Variants in CSMD1 observed in about 807,000 individuals in gnomAD.
CSMD1 encodes CUB and sushi domain-containing protein 1.
A neutral mutation model predicts 417.5 loss-of-function variants in CSMD1; 213 were observed. That is an observed-to-expected ratio of 0.51 (90% confidence interval 0.46 to 0.57). CSMD1 has a LOEUF of 0.57. Ranked by LOEUF, CSMD1 falls within the 20% of genes least tolerant of loss-of-function variation. The probability of loss-of-function intolerance (pLI) is 0.00; values close to 1 mark genes in which losing one functional copy is unlikely to be tolerated. For synonymous variants in CSMD1, 2,862 were observed against 1,736.8 expected, an observed-to-expected ratio of 1.65 and a Z score of -16.11; for missense variants, 6,923 against 4,529.7, an observed-to-expected ratio of 1.53 and a Z score of -15.17.
chr8:4,672,407 T>A (rs996037354), intron 1 of CSMD1, among the ~76,000 whole-genome samples: 113 of 152,254 alleles, frequency 7.4e-4, no homozygotes, highest in African/African-American at 2.6e-3. Flanking sequence ...CACTTTGAAG[T>A]ATGGGCAGAA....
At chr8:3,243,135 G>A (rs966505525) in intron 26 of CSMD1, among the ~76,000 whole-genome samples, 1 of 152,182 alleles carries the variant, frequency 6.6e-6, no homozygotes, top group African/African-American at 2.4e-5. Flanking sequence ...TTGAGGGATA[G>A]TGAGGGAGGT....
intron 3 of CSMD1, among the ~76,000 whole-genome samples, chr8:4,105,671 C>A (rs560304447): frequency 6.6e-6 from 1 of 152,290 alleles, no homozygotes; most frequent in Admixed American, 6.5e-5. Flanking sequence ...ACCCCATTAG[C>A]AGGTTTACCT....
chr8:3,195,202 T>C (rs575950766), intron 33 of CSMD1, among the ~76,000 whole-genome samples: 3 of 152,202 alleles, frequency 2.0e-5, no homozygotes, highest in African/African-American at 2.4e-5. Context: ...CTCTCCAACA[T>C]GAAGGTTTAC....
At chr8:4,120,865 A>T (rs991047436) in intron 3 of CSMD1, among the ~76,000 whole-genome samples, 5 of 151,900 alleles carry the variant, frequency 3.3e-5, no homozygotes, top group Admixed American at 2.0e-4. Context: ...ACAGAAACAA[A>T]TTTTTTCTGT....
intron 2 of CSMD1, among the ~76,000 whole-genome samples, chr8:4,458,012 C>G (rs1417685552): frequency 1.3e-5 from 2 of 152,152 alleles, no homozygotes; most frequent in African/African-American, 4.8e-5. Flanking sequence ...TGACTTCTCC[C>G]TATATCCGGT....
At chr8:3,294,286 A>C (rs1803799042) in intron 25 of CSMD1, among the ~76,000 whole-genome samples, 1 of 152,120 alleles carries the variant, frequency 6.6e-6, no homozygotes, top group South Asian at 2.1e-4. Flanking sequence ...CCCCTTGAGG[A>C]GGCAGTCTGT....
Position 4,518,846 on chromosome 8 carries a change from G to T in CSMD1, c.303-98781C>A, listed in dbSNP as rs140265412. Among the ~76,000 whole-genome samples, 89 of 151,934 alleles carry T rather than the reference G, an allele frequency of 5.9e-4. No homozygotes were observed. The East Asian group carries it at 9.9e-3, about 17-fold the overall frequency. ...TAAGTAAATTATAGGAGATTATTCG[G>T]CATGGTCTAAATACAGAGCCAATAC... On this transcript the variant is annotated intron_variant, in intron 2 of 69. Coordinates refer to ENST00000635120, the MANE Select transcript of CSMD1 (RefSeq NM_033225.6).
At chr8:3,945,781 A>T (rs567583170) in intron 5 of CSMD1, among the ~76,000 whole-genome samples, 6 of 152,228 alleles carry the variant, frequency 3.9e-5, no homozygotes, top group Non-Finnish European at 2.9e-5. Flanking sequence ...ATGAAAGTAG[A>T]TGAGAAGCAA....
At chr8:3,693,935 G>C (rs534323701) in intron 7 of CSMD1, among the ~76,000 whole-genome samples, 1 of 151,268 alleles carries the variant, frequency 6.6e-6, no homozygotes, top group African/African-American at 2.4e-5. Flanking sequence ...GTTATGGTGT[G>C]TGCGTCGTGT....
At chr8:4,390,210 C>T (rs1335294504) in intron 3 of CSMD1, among the ~76,000 whole-genome samples, 2 of 152,052 alleles carry the variant, frequency 1.3e-5, no homozygotes, top group Non-Finnish European at 1.5e-5. Flanking sequence ...TGTTTTTGAC[C>T]AGTCAGGTTT....
At chr8:3,265,324 T>C (rs897332290) in intron 26 of CSMD1, among the ~76,000 whole-genome samples, 1 of 152,202 alleles carries the variant, frequency 6.6e-6, no homozygotes, top group African/African-American at 2.4e-5. Flanking sequence ...GTGCGAAGTA[T>C]GTATGACCTG....
intron 1 of CSMD1, among the ~76,000 whole-genome samples, chr8:4,933,660 T>A (rs563312025): frequency 2.5e-4 from 38 of 152,016 alleles, no homozygotes; most frequent in Non-Finnish European, 4.6e-4. Flanking sequence ...AATAAATGGA[T>A]AGATGAAAGG....
chr8:3,882,561 C>G (rs1328289370), intron 5 of CSMD1, among the ~76,000 whole-genome samples: 2 of 152,142 alleles, frequency 1.3e-5, no homozygotes, highest in South Asian at 4.1e-4. Context: ...TAGGCATATA[C>G]CCAATATTCA....
chr8:3,763,469 T>A (rs1380560800), intron 5 of CSMD1, among the ~76,000 whole-genome samples: 1 of 152,058 alleles, frequency 6.6e-6, no homozygotes, highest in Non-Finnish European at 1.5e-5. Flanking sequence ...CTCCTCTCCT[T>A]TGCTCCCCTT....
chr8:4,390,497 T>TTTTTTTATTTATTCATTTATTTA (rs58291340), intron 3 of CSMD1, among the ~76,000 whole-genome samples: 1 of 140,324 alleles, frequency 7.1e-6, no homozygotes, highest in African/African-American at 2.7e-5. Context: ...AAGCGTCCAT[T>TTTTTTTATTTATTCATTTATTTA]TTTATTTATT....
At chr8:4,639,251 ATTT>A (rs34704649) in intron 1 of CSMD1, among the ~76,000 whole-genome samples, 4 of 131,448 alleles carry the variant, frequency 3.0e-5, no homozygotes, top group African/African-American at 5.7e-5. Flanking sequence ...GTGGTTGTCA[ATTT>A]TTTTTTTTTT....
chr8:4,304,952 G>A (rs1345319064), intron 3 of CSMD1, among the ~76,000 whole-genome samples: 1 of 151,982 alleles, frequency 6.6e-6, no homozygotes, highest in Non-Finnish European at 1.5e-5. Context: ...TCAGGCTGTG[G>A]TATTTGCTAC....
intron 2 of CSMD1, among the ~76,000 whole-genome samples, chr8:4,544,809 T>C (rs1157353580): frequency 6.6e-6 from 1 of 152,304 alleles, no homozygotes; most frequent in East Asian, 1.9e-4. Context: ...CTGAATTAGC[T>C]ACCTGTAACA....
intron 1 of CSMD1, among the ~76,000 whole-genome samples, chr8:4,989,137 T>G (rs1481743690): frequency 6.6e-6 from 1 of 152,210 alleles, no homozygotes; most frequent in African/African-American, 2.4e-5. Context: ...ACAACTAGTT[T>G]GCTAAGCACA....
Sources: allele counts gnomAD v4.1 joint callset (sites outside exome capture counted in the v4.1 genomes callset), GRCh38; gene constraint gnomAD v4.1.1; transcripts MANE v1.5; gene names NCBI Gene and HGNC (gene_info 2026-07-23, HGNC 2026-07-21).